ASIC2: variants seen among roughly 807,000 people sequenced by gnomAD.
The protein encoded by ASIC2 is acid-sensing ion channel 2.
Under a neutral mutation model 57.3 loss-of-function variants are expected in ASIC2, and 25 were observed. The ratio of observed to expected loss-of-function variants is 0.44; its 90% CI spans 0.32 to 0.61. The LOEUF (loss-of-function observed/expected upper bound fraction) is 0.61, where lower values mean the gene tolerates loss of function less well. Among genes scored for constraint, ASIC2 ranks in the 20% least tolerant of loss-of-function variants. The pLI, the probability that ASIC2 is intolerant of heterozygous loss-of-function variation, is 0.06. For missense variants in ASIC2, 641 were observed against 738.1 expected, an observed-to-expected ratio of 0.87 and a Z score of 1.52; for synonymous variants, 319 against 307.5, an observed-to-expected ratio of 1.04 and a Z score of -0.39.
At chr17:33,142,573 CAG>C (rs1162765328) in intron 1 of ASIC2, among the ~76,000 whole-genome samples, 2 of 152,176 alleles carry the variant, frequency 1.3e-5, no homozygotes, top group Non-Finnish European at 2.9e-5. Context: ...CTGAAGAAGA[CAG>C]AGCACAGAAA....
intron 1 of ASIC2, among the ~76,000 whole-genome samples, chr17:33,895,037 T>C (rs1915059626): frequency 6.6e-6 from 1 of 152,228 alleles, no homozygotes; most frequent in Non-Finnish European, 1.5e-5. Flanking sequence ...TGCTGGGTTG[T>C]ACATTCAAGT....
intron 1 of ASIC2, among the ~76,000 whole-genome samples, chr17:33,193,305 A>G (rs984144213): frequency 2.6e-5 from 4 of 152,164 alleles, no homozygotes; most frequent in Non-Finnish European, 4.4e-5. Context: ...ACCCTCTCCC[A>G]GTTGACTGCC....
chr17:33,569,261 G>C (rs941423246), intron 1 of ASIC2: 2 of 152,330 alleles, frequency 1.3e-5, no homozygotes, highest in Non-Finnish European at 2.9e-5. Flanking sequence ...GGCCTGCAAG[G>C]CATGTAGAAT....
intron 1 of ASIC2, among the ~76,000 whole-genome samples, chr17:33,278,865 G>C (rs919816122): frequency 6.6e-6 from 1 of 152,124 alleles, no homozygotes. Context: ...ACAGCTACAG[G>C]ATAAAGCCAG....
intron 1 of ASIC2, chr17:33,935,874 C>G (rs909725838): frequency 2.0e-5 from 3 of 152,344 alleles, no homozygotes; most frequent in Admixed American, 1.3e-4. Flanking sequence ...GCTGCAATTC[C>G]TGTGACCTTT....
chr17:33,441,627 G>T (rs2141984329), intron 1 of ASIC2, among the ~76,000 whole-genome samples: 1 of 152,270 alleles, frequency 6.6e-6, no homozygotes, highest in South Asian at 2.1e-4. Context: ...CTTCTCCCAT[G>T]AAGCAGGTCA....
chr17:33,287,433 C>T (rs145042909), intron 1 of ASIC2, among the ~76,000 whole-genome samples: 49 of 152,328 alleles, frequency 3.2e-4, no homozygotes, highest in African/African-American at 1.1e-3. Flanking sequence ...GCTCAGATAG[C>T]TCTGCCTCAC....
intron 1 of ASIC2, among the ~76,000 whole-genome samples, chr17:34,081,361 T>C (rs139959629): frequency 4.6e-5 from 7 of 151,960 alleles, no homozygotes; most frequent in Non-Finnish European, 8.8e-5. Context: ...TCCTTAGAAG[T>C]GATAGAAAAG....
At chr17:34,077,111 T>C (rs1002068369) in intron 1 of ASIC2, among the ~76,000 whole-genome samples, 1 of 152,180 alleles carries the variant, frequency 6.6e-6, no homozygotes, top group African/African-American at 2.4e-5. Flanking sequence ...GGGATTCGGA[T>C]CCAGGCCATC....
chr17:33,855,853 C>T (rs143809515), intron 1 of ASIC2, among the ~76,000 whole-genome samples: 1 of 152,222 alleles, frequency 6.6e-6, no homozygotes, highest in Non-Finnish European at 1.5e-5. Flanking sequence ...CAGGAGTAGC[C>T]AAACTGTGGC....
At chr17:33,108,624 C>T (rs1279083089) in intron 2 of ASIC2, among the ~76,000 whole-genome samples, 2 of 152,224 alleles carry the variant, frequency 1.3e-5, no homozygotes, top group East Asian at 3.8e-4. Context: ...TGGGACTCAC[C>T]TCCCACTGGC....
intron 1 of ASIC2, among the ~76,000 whole-genome samples, chr17:33,449,162 A>T (rs1567616528): frequency 6.6e-6 from 1 of 152,188 alleles, no homozygotes; most frequent in Non-Finnish European, 1.5e-5. Flanking sequence ...GGTTGAGAAT[A>T]ACAGGGAAAC....
At chr17:33,133,366 G>A (rs553147042) in intron 1 of ASIC2, among the ~76,000 whole-genome samples, 18 of 152,190 alleles carry the variant, frequency 1.2e-4, no homozygotes, top group Non-Finnish European at 2.4e-4. Context: ...GGAAGTACTG[G>A]ATGGGATGGG....
chr17:33,056,948 G>T (rs1333429691), intron 3 of ASIC2, among the ~76,000 whole-genome samples: 1 of 152,166 alleles, frequency 6.6e-6, no homozygotes, highest in Non-Finnish European at 1.5e-5. Flanking sequence ...TCTAGATTTT[G>T]AACTTGCCTA....
intron 3 of ASIC2, among the ~76,000 whole-genome samples, chr17:33,075,638 C>G (rs77926124): frequency 6.6e-6 from 1 of 152,170 alleles, no homozygotes; most frequent in African/African-American, 2.4e-5. Context: ...CTGGTCTGCT[C>G]CTTCTGCTGG....
intron 1 of ASIC2, among the ~76,000 whole-genome samples, chr17:33,710,892 G>A (rs981311736): frequency 6.6e-6 from 1 of 152,134 alleles, no homozygotes; most frequent in African/African-American, 2.4e-5. Flanking sequence ...ATAAGATGAC[G>A]CTATTTTGTT....
At chr17:33,257,855 A>G (rs544672533) in intron 1 of ASIC2, among the ~76,000 whole-genome samples, 2 of 152,308 alleles carry the variant, frequency 1.3e-5, no homozygotes, top group East Asian at 1.9e-4. Flanking sequence ...AGTACTTCCT[A>G]GCTGGGTAAC....
At chr17:33,868,400 G>A (rs1459288422) in intron 1 of ASIC2, among the ~76,000 whole-genome samples, 1 of 151,996 alleles carries the variant, frequency 6.6e-6, no homozygotes, top group African/African-American at 2.4e-5. Flanking sequence ...ATAGCCATAA[G>A]CACAAGAATG....
At chr17:33,078,954 G>A (rs908399696) in intron 3 of ASIC2, among the ~76,000 whole-genome samples, 13 of 152,084 alleles carry the variant, frequency 8.5e-5, no homozygotes, top group African/African-American at 3.1e-4. Context: ...GATGAGAGGG[G>A]GCTGTGTGCT....
Sources: gnomAD v4.1 joint callset for allele counts (sites outside exome capture counted in the v4.1 genomes callset) on GRCh38, gnomAD v4.1.1 for gene constraint, MANE v1.5 for transcripts, NCBI Gene and HGNC (gene_info 2026-07-23, HGNC 2026-07-21) for gene names.